Variants in OPA1 observed in about 807,000 individuals in gnomAD.
OPA1 encodes OPA1 mitochondrial dynamin like GTPase, also known as dynamin-like GTPase OPA1, mitochondrial.
OPA1 carries 59 observed loss-of-function variants against 152.9 expected under a neutral mutation model. That is an observed-to-expected ratio of 0.39 (90% CI 0.31 to 0.48). The LOEUF is 0.48. Among genes scored for constraint, OPA1 ranks in the 20% least tolerant of loss-of-function variants. The pLI, the probability that OPA1 is intolerant of heterozygous loss-of-function variation, is 0.96. For synonymous variants in OPA1, 400 were observed against 389.9 expected (o/e 1.03, Z -0.31); for missense variants, 1,008 against 1,216.8 (o/e 0.83, Z 2.55).
At chr3:193,670,533 A>AT (rs1717692243) in intron 29 of OPA1, among the ~76,000 whole-genome samples, 1 of 151,294 alleles carries the variant, frequency 6.6e-6, no homozygotes. Context: ...TGCCTGGCTT[A>AT]TTTTTTGTAT....
chr3:193,626,334 A>G (rs188579912), intron 7 of OPA1, 132 bp downstream of exon 7: 50 of 708,380 alleles, frequency 7.1e-5, no homozygotes, highest in South Asian at 7.0e-4. Flanking sequence ...AATATAAAAG[A>G]TGCATCATAT....
intron 1 of OPA1, among the ~76,000 whole-genome samples, chr3:193,600,073 T>C (rs568074132): frequency 6.6e-6 from 1 of 152,336 alleles, no homozygotes; most frequent in African/African-American, 2.4e-5. Context: ...CGATTTTGTC[T>C]GCCTATTTGA....
chr3:193,688,481 T>C (rs1472633778), intron 29 of OPA1, among the ~76,000 whole-genome samples: 3,305 of 95,082 alleles, frequency 0.035, 570 homozygotes, highest in African/African-American at 0.14. Context: ...TTTTTTTTTT[T>C]TTTTTTTTTT....
rs150142143 is a variant in OPA1 at position 193,626,868 on chromosome 3, T to C, written c.789+666T>C. On this transcript the variant is annotated intron_variant, in intron 7 of 30. Coordinates refer to ENST00000361510, the MANE Select transcript of OPA1 (RefSeq NM_130837.3). ...TAATAAAAGCTTAAGTGTATACCAA[T>C]ATGTGGCTGTTGGTGCAATCAGCAG... 1.9e-4 allele frequency among the ~76,000 whole-genome samples: 29 copies of C among 152,276 alleles called. No individual in the cohort carries two copies. In the East Asian group the frequency reaches 5.4e-3, roughly 28 times the overall value.
chr3:193,653,623 C>T (rs1302088024), intron 21 of OPA1, among the ~76,000 whole-genome samples: 1 of 152,102 alleles, frequency 6.6e-6, no homozygotes, highest in African/African-American at 2.4e-5. Context: ...CATGATTATG[C>T]ATCTTTTACA....
intron 3 of OPA1, among the ~76,000 whole-genome samples, chr3:193,616,601 A>G (rs1017423493): frequency 2.0e-5 from 3 of 152,212 alleles, no homozygotes; most frequent in African/African-American, 7.2e-5. Flanking sequence ...GTTCTTTAAA[A>G]GTCTGTTAGT....
At chr3:193,676,856 C>T (rs892387930) in intron 29 of OPA1, among the ~76,000 whole-genome samples, 1 of 151,940 alleles carries the variant, frequency 6.6e-6, no homozygotes, top group Non-Finnish European at 1.5e-5. Context: ...TGGCGGGCGC[C>T]TGTAGTCCCA....
At chr3:193,623,931 T>C (rs1730602836) in intron 6 of OPA1, among the ~76,000 whole-genome samples, 1 of 152,204 alleles carries the variant, frequency 6.6e-6, no homozygotes, top group African/African-American at 2.4e-5. Context: ...CTTTTCTATG[T>C]CTAATTCTTG....
chr3:193,665,738 T>G (rs1716374086), intron 27 of OPA1, among the ~76,000 whole-genome samples: 1 of 152,142 alleles, frequency 6.6e-6, no homozygotes, highest in Non-Finnish European at 1.5e-5. Flanking sequence ...TGCACCTAAT[T>G]AAAAGTGGCA....
At chr3:193,679,009 G>T (rs1413761804) in intron 29 of OPA1, among the ~76,000 whole-genome samples, 1 of 152,016 alleles carries the variant, frequency 6.6e-6, no homozygotes, top group African/African-American at 2.4e-5. Flanking sequence ...ATGCATTCAG[G>T]ACTAGAAAAT....
At chr3:193,678,562 C>T (rs916028400) in intron 29 of OPA1, among the ~76,000 whole-genome samples, 2 of 152,118 alleles carry the variant, frequency 1.3e-5, no homozygotes, top group Non-Finnish European at 2.9e-5. Context: ...AATTTCCCAT[C>T]GCTCAGTGGG....
At chr3:193,642,477 T>TG (rs1263047252) in intron 11 of OPA1, among the ~76,000 whole-genome samples, 1 of 152,228 alleles carries the variant, frequency 6.6e-6, no homozygotes, top group Non-Finnish European at 1.5e-5. Flanking sequence ...TAGCATTGAC[T>TG]GGGGAAAGAA....
At chr3:193,679,563 A>G (rs115398407) in intron 29 of OPA1, among the ~76,000 whole-genome samples, 1,708 of 152,338 alleles carry the variant, frequency 0.011, 23 homozygotes, top group Middle Eastern at 0.02. Flanking sequence ...TTTATGGCAA[A>G]GCTGGGGCTA....
intron 29 of OPA1, among the ~76,000 whole-genome samples, chr3:193,676,738 T>C (rs919441494): frequency 1.1e-4 from 16 of 152,210 alleles, no homozygotes; most frequent in African/African-American, 3.4e-4. Flanking sequence ...CCCAGCACTT[T>C]AGGAGGCCAA....
At position 193,632,597 on chromosome 3, in the gene OPA1, G is replaced by T. The variant is rs377198478; in HGVS notation, c.843+932G>T. Among the ~76,000 whole-genome samples, 10 of 152,318 alleles carry T rather than the reference G, an allele frequency of 6.6e-5. No individual in the cohort carries two copies. In the South Asian group the frequency reaches 2.1e-3, roughly 32 times the overall value. On this transcript the variant is annotated intron_variant, in intron 8 of 30. Transcript: ENST00000361510. Reference sequence around the variant, plus strand: ...CAAAGAGTTACTATCAGCTGGGCATGGTGGGTCATGCCTGTAATCCCAGCA... The same window carrying T: ...CAAAGAGTTACTATCAGCTGGGCATTGTGGGTCATGCCTGTAATCCCAGCA...
chr3:193,642,557 A>G (rs1395442776), intron 11 of OPA1, among the ~76,000 whole-genome samples: 1 of 152,210 alleles, frequency 6.6e-6, no homozygotes, highest in African/African-American at 2.4e-5. Flanking sequence ...ATCACAACAT[A>G]TATGACATAT....
chr3:193,630,242 G>T (rs1462615118), intron 7 of OPA1, among the ~76,000 whole-genome samples: 2 of 147,298 alleles, frequency 1.4e-5, no homozygotes, highest in African/African-American at 5.0e-5. Flanking sequence ...ATGAAAAAAA[G>T]CTTCTATCAG....
At chr3:193,596,311 C>T (rs73205337) in intron 1 of OPA1, among the ~76,000 whole-genome samples, 8,582 of 96,562 alleles carry the variant, frequency 0.089, 251 homozygotes, top group Admixed American at 0.1. Context: ...TTTTCTTTTC[C>T]TTTCCTTTCC....
chr3:193,693,427 G>A (rs552506462), intron 30 of OPA1, among the ~76,000 whole-genome samples: 96 of 152,282 alleles, frequency 6.3e-4, no homozygotes, highest in Non-Finnish European at 1.0e-3. Flanking sequence ...ATCACTTGAG[G>A]TCAGGAGTTG....
Sources: allele counts gnomAD v4.1 joint callset (sites outside exome capture counted in the v4.1 genomes callset), GRCh38; gene constraint gnomAD v4.1.1; transcripts MANE v1.5; gene names NCBI Gene and HGNC (gene_info 2026-07-23, HGNC 2026-07-21).